Variants in RGL1 observed in about 807,000 individuals in gnomAD.
RGL1 encodes the protein ral guanine nucleotide dissociation stimulator like 1.
A neutral mutation model predicts 95.2 loss-of-function variants in RGL1; 24 were observed. The ratio of observed to expected loss-of-function variants is 0.25; its 90% confidence interval spans 0.18 to 0.35. RGL1 has a LOEUF of 0.35. Ranked by LOEUF, RGL1 falls within the 10% of genes least tolerant of loss-of-function variation. The pLI is 1.00. For missense variants in RGL1, 715 were observed against 936.3 expected (o/e 0.76, Z 3.08); for synonymous variants, 329 against 344.9 (o/e 0.95, Z 0.51).
intron 2 of RGL1, among the ~76,000 whole-genome samples, chr1:183,781,682 T>C (rs747887836): frequency 6.6e-6 from 1 of 152,236 alleles, no homozygotes; most frequent in Non-Finnish European, 1.5e-5. Context: ...TAAGGTATCA[T>C]AGTGTACATG....
intron 1 of RGL1, among the ~76,000 whole-genome samples, chr1:183,676,977 T>A (rs1397480856): frequency 2.0e-5 from 3 of 151,818 alleles, no homozygotes; most frequent in Non-Finnish European, 4.4e-5. Flanking sequence ...CAAATATTTT[T>A]AAAGCAATAT....
chr1:183,856,618 C>G (rs1311500816), intron 3 of RGL1, among the ~76,000 whole-genome samples: 1 of 149,164 alleles, frequency 6.7e-6, no homozygotes, highest in African/African-American at 2.4e-5. Flanking sequence ...TATTTTCTCC[C>G]TGTAAATATA....
chr1:183,744,116 G>C (rs1261008383), intron 2 of RGL1, among the ~76,000 whole-genome samples: 1 of 152,138 alleles, frequency 6.6e-6, no homozygotes, highest in Admixed American at 6.6e-5. Flanking sequence ...GTTATTCTGT[G>C]AAGAGAAAGA....
chr1:183,708,908 G>C (rs925789935), intron 1 of RGL1, among the ~76,000 whole-genome samples: 1 of 152,332 alleles, frequency 6.6e-6, no homozygotes, highest in East Asian at 1.9e-4. Context: ...GGCACCAGAT[G>C]TAAGGCTCTT....
At chr1:183,727,084 TTA>T (rs1558174761) in intron 1 of RGL1, among the ~76,000 whole-genome samples, 1 of 152,110 alleles carries the variant, frequency 6.6e-6, no homozygotes, top group East Asian at 1.9e-4. Context: ...ATAAAATTAC[TTA>T]TGAACATGGA....
chr1:183,824,954 C>T (rs1472368505), intron 2 of RGL1, among the ~76,000 whole-genome samples: 4 of 152,170 alleles, frequency 2.6e-5, no homozygotes, highest in African/African-American at 7.2e-5. Flanking sequence ...CATAACTGAG[C>T]ATAATTATGT....
chr1:183,918,855 C>T (rs1469818203), intron 16 of RGL1, among the ~76,000 whole-genome samples: 1 of 152,224 alleles, frequency 6.6e-6, no homozygotes, highest in Non-Finnish European at 1.5e-5. Context: ...CTCGTGCTCT[C>T]ATTCTAATCG....
intron 4 of RGL1, among the ~76,000 whole-genome samples, chr1:183,869,770 G>T (rs1666055113): frequency 1.3e-5 from 2 of 152,170 alleles, no homozygotes. Flanking sequence ...GGAAATCAGG[G>T]AAGCATCTTC....
chr1:183,903,890 G>A (rs1269394072), intron 12 of RGL1, among the ~76,000 whole-genome samples: 1 of 152,170 alleles, frequency 6.6e-6, no homozygotes, highest in Non-Finnish European at 1.5e-5. Flanking sequence ...TTTTTCTTTA[G>A]CATGATGGTA....
At chr1:183,748,881 A>G (rs912188436) in intron 2 of RGL1, among the ~76,000 whole-genome samples, 7 of 152,222 alleles carry the variant, frequency 4.6e-5, no homozygotes, top group African/African-American at 1.7e-4. Context: ...TTATTTACCC[A>G]GTAATCATTC....
intron 3 of RGL1, among the ~76,000 whole-genome samples, chr1:183,852,538 G>A (rs1429348585): frequency 6.6e-6 from 1 of 152,146 alleles, no homozygotes; most frequent in African/African-American, 2.4e-5. Flanking sequence ...ATCTGGCCAG[G>A]CGTGGTGGCT....
rs772120187 is a variant in RGL1, at chr1:183,805,182, G to A, written c.-116G>A. 98 of 1,395,110 alleles carry A rather than the reference G, an allele frequency of 7.0e-5. No homozygotes were observed. The highest frequency in any genetic ancestry group is 8.8e-5 in the Non-Finnish European group (92 of 1,049,566). 86.4% of individuals were successfully genotyped at this position (1,395,110 alleles called of 1,614,324 possible). ...GCGCGGCGCGTGTCTGTGCGCTGCG[G>A]TCGCTCGGGACCGGGACCGGGGCGA... is the stretch of plus-strand genomic sequence containing the variant. On this transcript the variant is annotated 5_prime_UTR_variant, in exon 1 of 18. Transcript: ENST00000360851.
chr1:183,749,263 T>C (rs1657846494), intron 2 of RGL1, among the ~76,000 whole-genome samples: 1 of 152,224 alleles, frequency 6.6e-6, no homozygotes, highest in Non-Finnish European at 1.5e-5. Context: ...TAAGTCTCAT[T>C]GTAGGTCTCT....
At chr1:183,819,807 CAG>C (rs1662336072) in intron 2 of RGL1, among the ~76,000 whole-genome samples, 1 of 146,112 alleles carries the variant, frequency 6.8e-6, no homozygotes, top group South Asian at 2.2e-4. Context: ...TTTTAAGAGA[CAG>C]GGTCTTGTTC....
At chr1:183,652,040 A>G (rs6658064) in intron 1 of RGL1, among the ~76,000 whole-genome samples, 10,449 of 152,262 alleles carry the variant, frequency 0.069, 618 homozygotes, top group African/African-American at 0.16. Context: ...CAACTCACCC[A>G]TAGACAATTT....
At chr1:183,915,713 C>T (rs1000560348) in intron 15 of RGL1, among the ~76,000 whole-genome samples, 1 of 152,210 alleles carries the variant, frequency 6.6e-6, no homozygotes, top group Admixed American at 6.5e-5. Flanking sequence ...CATGATAAGC[C>T]TCACAGTACT....
In RGL1 at chr1:183,912,197, G is replaced by A. The variant is rs965663846; in HGVS notation, c.1678G>A (p.Glu560Lys). 1.2e-6 allele frequency: 2 copies of A among 1,613,888 alleles called. No individual in the cohort carries two copies. Among genetic ancestry groups the A allele is most frequent in the Non-Finnish European group, 1.7e-6 (2 of 1,180,000 alleles). The change falls in exon 15 of 18, where the codon GAG (glutamate) becomes AAG (lysine). Residue 560 changes from glutamate (E) to lysine (K), a missense_variant. By Grantham distance (56) the Glu-to-Lys change is moderately conservative. Transcript: ENST00000360851. ...GGACTCTGTCAGCGTGTCATCCTGCGAGTCGAACCACTCAGAGGCTGAGGA... is the reference window on the plus strand; with the variant it reads ...GGACTCTGTCAGCGTGTCATCCTGCAAGTCGAACCACTCAGAGGCTGAGGA... ...SMDSVSVSSC[E>K]SNHSEAEEGS...
At chr1:183,700,382 C>T (rs1012257204) in intron 1 of RGL1, among the ~76,000 whole-genome samples, 6 of 150,698 alleles carry the variant, frequency 4.0e-5, no homozygotes, top group Admixed American at 1.3e-4. Context: ...TCTCACATGA[C>T]GTCTTCCTGT....
intron 2 of RGL1, among the ~76,000 whole-genome samples, chr1:183,771,907 A>C (rs1321450577): frequency 2.6e-5 from 4 of 152,214 alleles, no homozygotes; most frequent in Admixed American, 6.5e-5. Context: ...GGAAGACACA[A>C]GTGGCTGGAC....
Sources: allele counts gnomAD v4.1 joint callset (sites outside exome capture counted in the v4.1 genomes callset), GRCh38; gene constraint gnomAD v4.1.1; transcripts MANE v1.5; gene names NCBI Gene and HGNC (gene_info 2026-07-23, HGNC 2026-07-21).